USP33: variants seen among roughly 807,000 people sequenced by gnomAD.
USP33 encodes ubiquitin specific peptidase 33.
In USP33, 46 loss-of-function variants were observed where a neutral mutation model predicts 124.2. That is an observed-to-expected ratio of 0.37 (90% confidence interval 0.29 to 0.47). The LOEUF is 0.47. Among genes scored for constraint, USP33 ranks in the 20% least tolerant of loss-of-function variants. The pLI is 0.99. For synonymous variants in USP33, 350 were observed against 352.3 expected (o/e 0.99, Z 0.07); for missense variants, 851 against 1,070.6 (o/e 0.79, Z 2.86).
At chr1:77,718,206 A>G (rs969559223) in intron 16 of USP33, among the ~76,000 whole-genome samples, 159 bp from the exon 17 acceptor site, 2 of 152,202 alleles carry the variant, frequency 1.3e-5, no homozygotes, top group Admixed American at 1.3e-4. Flanking sequence ...TTCGTTTTAA[A>G]TGCTAGATAA....
Position 77,697,349 on chromosome 1 carries a change from C to T in USP33, c.2704G>A (p.Glu902Lys). 6.2e-7 allele frequency: 1 copy of T among 1,602,656 alleles called. No homozygotes were observed. The highest frequency in any genetic ancestry group is 2.2e-5 in the East Asian group (1 of 44,752). Residue 902 changes from glutamate to lysine, a missense_variant, in exon 24 of 24, where the codon GAA (glutamate) becomes AAA (lysine). Physicochemically the swap from Glu to Lys is moderately conservative, Grantham distance 56. Transcript: ENST00000370794. ...GACCGAGTTTCTACTTCAATTTTTT[C>T]TTCTGCTTGAAGTATATCTGGATCA... ...HVDPDILQAEEKIEVETRSL is the reference protein window; with the variant it reads ...HVDPDILQAEKKIEVETRSL
chr1:77,755,496 G>C (rs1680718706), intron 1 of USP33, among the ~76,000 whole-genome samples: 1 of 152,170 alleles, frequency 6.6e-6, no homozygotes, highest in Admixed American at 6.5e-5. Flanking sequence ...AGGAGTTTGA[G>C]ACCAGCCTGG....
chr1:77,718,488 TC>T, intron 16 of USP33, 107 bp downstream of exon 16: 1 of 888,056 alleles, frequency 1.1e-6, no homozygotes, highest in Non-Finnish European at 1.8e-6. Context: ...TGCATAGCAA[TC>T]ATTCAATTCT....
At chr1:77,725,453 C>A (rs1677054198) in intron 11 of USP33, among the ~76,000 whole-genome samples, 169 bp downstream of exon 11, 2 of 152,170 alleles carry the variant, frequency 1.3e-5, no homozygotes, top group African/African-American at 2.4e-5. Context: ...ATTTTAAAAG[C>A]AGAGTACCAA....
At position 77,718,032 on chromosome 1, in the gene USP33, G is replaced by C; in HGVS notation, c.1753C>G (p.Leu585Val). The C allele has an allele frequency of 6.3e-7, 1 of 1,597,298 alleles. No individual in the cohort carries two copies. The highest frequency in any genetic ancestry group is 8.5e-7 in the Non-Finnish European group (1 of 1,173,096). The change falls in exon 17 of 24, where the codon CTT becomes GTT. Residue 585 changes from leucine (L) to valine (V), a missense_variant. Transcript: ENST00000370794. ...QNFPEILCIH[L>V]KRFRHELMFS... is the part of the protein sequence containing the mutation. ...ATTAGTTCATGTCTGAATCTTTTAA[G>C]GTGGATGCACAAAATCTAAAAAAGA...
chr1:77,759,604 C>T (rs1681138709), intron 1 of USP33, 39 bp downstream of exon 1: 1 of 398,342 alleles, frequency 2.5e-6, no homozygotes, highest in African/African-American at 2.1e-5. Context: ...AGCGAAACGC[C>T]CTTGGGCCCC....
At chr1:77,707,624 A>C (rs1471464575) in intron 21 of USP33, among the ~76,000 whole-genome samples, 1 of 152,174 alleles carries the variant, frequency 6.6e-6, no homozygotes, top group African/African-American at 2.4e-5. Context: ...CAGAGAGAGA[A>C]ATTTAATACA....
chr1:77,724,073 T>C (rs756989913), intron 11 of USP33, among the ~76,000 whole-genome samples: 10 of 151,962 alleles, frequency 6.6e-5, no homozygotes, highest in Admixed American at 6.6e-4. Flanking sequence ...ATCACTGGGA[T>C]GTTTACTTAA....
At chr1:77,729,997 A>T (rs1041425721) in intron 8 of USP33, 59 bp from the exon 9 acceptor site, 69 of 1,400,122 alleles carry the variant, frequency 4.9e-5, no homozygotes, top group Non-Finnish European at 6.2e-5. Flanking sequence ...TCATTTTAAA[A>T]ATTAACTACC....
chr1:77,759,317 A>C, intron 1 of USP33: 1 of 328,206 alleles, frequency 3.0e-6, no homozygotes, highest in Non-Finnish European at 5.5e-6. Flanking sequence ...AGACCGAGGA[A>C]GGGAGCAGAG....
chr1:77,697,851 A>G lies in USP33; in HGVS notation c.2578+12T>C. 3 of 1,600,326 alleles carry G rather than the reference A, an allele frequency of 1.9e-6. No individual in the cohort carries two copies. The highest frequency in any genetic ancestry group is 2.3e-5 in the South Asian group (2 of 87,796). The stretch of plus-strand genomic sequence containing the variant: ...ACTCACAAGTAAAAGCTTAAATACG[A>G]GTCAAACTTACCTTGCCTAAGCATC... On this transcript the variant is annotated intron_variant, in intron 23 of 23. Coordinates refer to ENST00000370794, the MANE Select transcript of USP33 (RefSeq NM_201624.3).
chr1:77,752,919 A>C (rs1051904925), intron 1 of USP33, among the ~76,000 whole-genome samples: 4 of 151,966 alleles, frequency 2.6e-5, no homozygotes, highest in African/African-American at 7.3e-5. Flanking sequence ...CTCTACTAAA[A>C]ACACAAAAAA....
intron 21 of USP33, among the ~76,000 whole-genome samples, chr1:77,708,391 A>T (rs1044250867): frequency 1.3e-5 from 2 of 152,164 alleles, no homozygotes; most frequent in Non-Finnish European, 2.9e-5. Context: ...CACCACTTCT[A>T]AGCATCTTCC....
At chr1:77,755,387 G>C (rs1680706390) in intron 1 of USP33, among the ~76,000 whole-genome samples, 1 of 152,140 alleles carries the variant, frequency 6.6e-6, no homozygotes, top group South Asian at 2.1e-4. Context: ...ACACAGTAAT[G>C]CTTCCATAAA....
In USP33 at chr1:77,702,141, C is replaced by CAAAAAAAAAAAAAAAAAA. The variant is rs58750531; in HGVS notation, c.2407-688_2407-671dup. Reference sequence around the variant, plus strand: ...TGGGTGACAGAACAAGACCCTGTCTCAAAAAAAAAAAAAAAAAAAAAAAAA... The same window carrying CAAAAAAAAAAAAAAAAAA: ...TGGGTGACAGAACAAGACCCTGTCTCAAAAAAAAAAAAAAAAAAAAAAAAAAAAAAAAAAAAAAAAAAA... On this transcript the variant is annotated intron_variant, in intron 21 of 23. Coordinates refer to ENST00000370794, the MANE Select transcript of USP33 (RefSeq NM_201624.3). Among the ~76,000 whole-genome samples the CAAAAAAAAAAAAAAAAAA allele has an allele frequency of 3.4e-3, 54 of 15,782 alleles. 4 individuals are homozygous for CAAAAAAAAAAAAAAAAAA. The highest frequency in any genetic ancestry group is 6.8e-3 in the African/African-American group (53 of 7,802). 10.4% of individuals were successfully genotyped at this position (15,782 alleles called of 152,430 possible). A position where few individuals can be genotyped will look rare whatever the true frequency, so the allele number is the denominator to read the frequency against.
intron 22 of USP33, among the ~76,000 whole-genome samples, chr1:77,699,540 CAAG>C (rs1303814449): frequency 6.6e-6 from 1 of 152,078 alleles, no homozygotes; most frequent in African/African-American, 2.4e-5. Context: ...AGTCAAGAAA[CAAG>C]AGATGCTGGC....
At chr1:77,717,272 G>A (rs545899979) in intron 17 of USP33, among the ~76,000 whole-genome samples, 22 of 152,140 alleles carry the variant, frequency 1.4e-4, no homozygotes, top group African/African-American at 3.9e-4. Flanking sequence ...GGCAGATCAC[G>A]AGGTCAGGAG....
At chr1:77,739,752 G>A (rs1486156124) in intron 4 of USP33, among the ~76,000 whole-genome samples, 4 of 152,270 alleles carry the variant, frequency 2.6e-5, no homozygotes, top group Non-Finnish European at 5.9e-5. Flanking sequence ...ACTATTCTAA[G>A]AAATCAGAAT....
intron 20 of USP33, among the ~76,000 whole-genome samples, chr1:77,712,347 A>C (rs1037084899): frequency 3.9e-5 from 6 of 152,210 alleles, no homozygotes; most frequent in African/African-American, 1.4e-4. Flanking sequence ...AATGTGGTGA[A>C]ACCCCGTCTC....
Sources: allele counts gnomAD v4.1 joint callset (sites outside exome capture counted in the v4.1 genomes callset), GRCh38; gene constraint gnomAD v4.1.1; transcripts MANE v1.5; gene names NCBI Gene and HGNC (gene_info 2026-07-23, HGNC 2026-07-21).